TBC1D14: variants seen among roughly 807,000 people sequenced by gnomAD.
TBC1D14 encodes the protein TBC1 domain family member 14, also known as TBC1 domain family, member 14.
A neutral mutation model predicts 79.0 loss-of-function variants in TBC1D14; 26 were observed. That is an observed-to-expected ratio of 0.33 (90% confidence interval 0.24 to 0.46). TBC1D14 has a LOEUF of 0.46. Among genes scored for constraint, TBC1D14 ranks in the 20% least tolerant of loss-of-function variants. The pLI is 1.00. For synonymous variants in TBC1D14, 394 were observed against 349.9 expected (o/e 1.13, Z -1.40); for missense variants, 769 against 887.6 (o/e 0.87, Z 1.70).
intron 13 of TBC1D14, among the ~76,000 whole-genome samples, chr4:7,028,429 G>GTTT (rs766271829): frequency 6.7e-6 from 1 of 149,348 alleles, no homozygotes. Flanking sequence ...TCAGTTTTTT[G>GTTT]TTTGTTTTTT....
In TBC1D14 at chr4:7,032,156, A is replaced by C. The variant is rs1201686354; in HGVS notation, c.*1764A>C. ...CTCTCGGAGGAGGCGTCCTGTCTTC[A>C]CGGGGGGGTCCCGGTGGCCTCCAGA... is the stretch of plus-strand genomic sequence containing the variant. On this transcript the variant is annotated 3_prime_UTR_variant, in exon 14 of 14. Transcript: ENST00000409757. The C allele has an allele frequency of 6.6e-6, 1 of 152,128 alleles. No homozygotes were observed. Among genetic ancestry groups the C allele is most frequent in the Non-Finnish European group, 1.5e-5 (1 of 67,944 alleles). The allele number at this position is 152,128 out of a possible 1,614,324, so 9.4% of individuals were successfully genotyped here.
intron 2 of TBC1D14, among the ~76,000 whole-genome samples, chr4:6,927,726 C>G (rs1223024526): frequency 1.3e-5 from 2 of 152,180 alleles, no homozygotes; most frequent in Non-Finnish European, 2.9e-5. Context: ...GGGATGCCAG[C>G]AGCACTCCCC....
intron 2 of TBC1D14, among the ~76,000 whole-genome samples, chr4:6,964,062 C>T (rs925435807): frequency 6.6e-6 from 1 of 152,222 alleles, no homozygotes; most frequent in Non-Finnish European, 1.5e-5. Flanking sequence ...TCCCAAAGTA[C>T]TGGGATTACA....
At chr4:6,965,729 CAG>C (rs2109044345) in intron 2 of TBC1D14, among the ~76,000 whole-genome samples, 1 of 152,234 alleles carries the variant, frequency 6.6e-6, no homozygotes, top group African/African-American at 2.4e-5. Context: ...TGTGTAGAGA[CAG>C]AGTCTCACTA....
At chr4:7,007,739 T>C in intron 9 of TBC1D14, 3 of 569,534 alleles carry the variant, frequency 5.3e-6, no homozygotes, top group Non-Finnish European at 8.3e-6. Context: ...TTCTCTGCCC[T>C]TTTGCCCCAG....
intron 13 of TBC1D14, among the ~76,000 whole-genome samples, chr4:7,027,234 C>A (rs1288426175): frequency 6.6e-6 from 1 of 151,662 alleles, no homozygotes; most frequent in African/African-American, 2.4e-5. Flanking sequence ...AAAAGCAGGT[C>A]ATTTGTCCTG....
chr4:6,947,472 T>C (rs1228070715), intron 2 of TBC1D14, among the ~76,000 whole-genome samples: 1 of 148,766 alleles, frequency 6.7e-6, no homozygotes, highest in East Asian at 2.0e-4. Context: ...CACTCCAGCC[T>C]GGGCAACAGA....
intron 3 of TBC1D14, among the ~76,000 whole-genome samples, chr4:6,977,364 C>T (rs1420933190): frequency 2.7e-5 from 4 of 145,472 alleles, no homozygotes; most frequent in African/African-American, 1.0e-4. Context: ...CGCGAGTGAT[C>T]CGCCAGCCTC....
intron 4 of TBC1D14, 47 bp downstream of exon 4, chr4:6,994,349 G>C: frequency 6.4e-7 from 1 of 1,552,890 alleles, no homozygotes; most frequent in East Asian, 2.2e-5. Flanking sequence ...TAGGAAATAA[G>C]TACAACTTGC....
Position 7,025,311 on chromosome 4 carries a change from G to A in TBC1D14, c.2016+49G>A, listed in dbSNP as rs770415111. ...CTTCCCACAGCGTAGCCGGCAAGTG[G>A]CGCGACTCAGGAAGGCCCCTACGTA... On this transcript the variant is annotated intron_variant, in intron 13 of 13. Coordinates refer to ENST00000409757, the MANE Select transcript of TBC1D14 (RefSeq NM_020773.3). 4 of 1,607,938 alleles carry A rather than the reference G, an allele frequency of 2.5e-6. No individual in the cohort carries two copies. The Admixed American group carries it at 6.7e-5, about 27-fold the overall frequency.
At chr4:6,917,770 A>G (rs1310389395) in intron 1 of TBC1D14, among the ~76,000 whole-genome samples, 1 of 152,054 alleles carries the variant, frequency 6.6e-6, no homozygotes, top group Non-Finnish European at 1.5e-5. Context: ...TCCAGAGTCC[A>G]CCCATTAGCT....
intron 2 of TBC1D14, among the ~76,000 whole-genome samples, chr4:6,958,151 C>G (rs1004526068): frequency 5.3e-5 from 8 of 152,168 alleles, no homozygotes; most frequent in Non-Finnish European, 1.5e-5. Flanking sequence ...GAACACAGCG[C>G]CAGGTGTGGG....
chr4:6,920,973 T>C (rs768227536), intron 1 of TBC1D14, among the ~76,000 whole-genome samples: 4 of 152,110 alleles, frequency 2.6e-5, no homozygotes, highest in Admixed American at 2.0e-4. Flanking sequence ...AGAGATGAGG[T>C]TTCACCATGT....
At chr4:6,990,341 T>C (rs1457131704) in intron 3 of TBC1D14, among the ~76,000 whole-genome samples, 3 of 152,102 alleles carry the variant, frequency 2.0e-5, no homozygotes, top group Non-Finnish European at 4.4e-5. Context: ...CCCAGCTACT[T>C]GGGAGGCTGA....
chr4:6,987,214 G>A, intron 3 of TBC1D14: 1 of 1,237,960 alleles, frequency 8.1e-7, no homozygotes, highest in African/African-American at 1.6e-5. Flanking sequence ...CTGCCGCCCC[G>A]CCCCGCCCCG....
intron 12 of TBC1D14, among the ~76,000 whole-genome samples, chr4:7,019,471 G>T (rs1233956194): frequency 2.0e-5 from 3 of 152,174 alleles, no homozygotes; most frequent in Non-Finnish European, 4.4e-5. Flanking sequence ...GCATCTTGCT[G>T]AGCACGTCTG....
At chr4:6,993,384 G>T (rs1390547595) in intron 3 of TBC1D14, among the ~76,000 whole-genome samples, 1 of 152,158 alleles carries the variant, frequency 6.6e-6, no homozygotes, top group East Asian at 1.9e-4. Context: ...TGGGTCACCG[G>T]GTGTGAATGA....
chr4:6,949,851 G>A lies in TBC1D14; in HGVS notation c.723-17453G>A, dbSNP rs1432862217. On this transcript the variant is annotated intron_variant, in intron 2 of 13. Transcript: ENST00000409757. ...GATGGTTTTACAAATGTCAAGAAAT[G>A]TAGAGTTGACTCGTTGGGTAGTGTT... is the stretch of plus-strand genomic sequence containing the variant. 2.0e-5 allele frequency among the ~76,000 whole-genome samples: 3 copies of A among 151,870 alleles called. No homozygotes were observed. In the East Asian group the frequency reaches 5.8e-4, roughly 29 times the overall value.
chr4:6,995,968 C>G (rs1331586976), intron 4 of TBC1D14, among the ~76,000 whole-genome samples: 1 of 152,096 alleles, frequency 6.6e-6, no homozygotes, highest in African/African-American at 2.4e-5. Flanking sequence ...TCCTGATTAG[C>G]TGGGACTACA....
Sources: allele counts gnomAD v4.1 joint callset (sites outside exome capture counted in the v4.1 genomes callset), GRCh38; gene constraint gnomAD v4.1.1; transcripts MANE v1.5; gene names NCBI Gene and HGNC (gene_info 2026-07-23, HGNC 2026-07-21).